SPDYC: variants seen among roughly 807,000 people sequenced by gnomAD.
The protein encoded by SPDYC is speedy/RINGO cell cycle regulator family member C, also known as speedy protein C.
In SPDYC, 25 loss-of-function variants were observed where a neutral mutation model predicts 33.9. The observed-to-expected ratio is 0.74, with a 90% CI of 0.54 to 1.03. The LOEUF is 1.03. Ranked by LOEUF, SPDYC falls within the 50% of genes least tolerant of loss-of-function variation. The pLI, the probability that SPDYC is intolerant of heterozygous loss-of-function variation, is 0.00. For synonymous variants in SPDYC, 133 were observed against 140.2 expected, an observed-to-expected ratio of 0.95 and a Z score of 0.36; for missense variants, 349 against 382.9, an observed-to-expected ratio of 0.91 and a Z score of 0.74.
intron 2 of SPDYC, 21 bp from the exon 3 acceptor site, chr11:65,171,922 T>C: frequency 6.2e-7 from 1 of 1,613,414 alleles, no homozygotes; most frequent in East Asian, 2.2e-5. Flanking sequence ...CTGCGTCCTG[T>C]CATGTCTTCT....
At chr11:65,171,483 C>A in exon 2 of SPDYC, 1 of 1,578,498 alleles carries the variant, frequency 6.3e-7, no homozygotes, top group South Asian at 1.1e-5. Flanking sequence ...AGGTCCAGGC[C>A]TTCCTCAGCC....
At chr11:65,170,751 C>T (rs1425881110) in intron 1 of SPDYC, among the ~76,000 whole-genome samples, 2 of 152,040 alleles carry the variant, frequency 1.3e-5, no homozygotes, top group African/African-American at 4.8e-5. Flanking sequence ...GGTGGCATGG[C>T]GCATGCCTGT....
chr11:65,171,490 A>G lies in SPDYC; in HGVS notation c.190A>G (p.Ser64Gly), dbSNP rs774260139. ...GCACCAGGAGGTCCAGGCCTTCCTC[A>G]GCCTTCTGGGTGAGTTTGGAGGGCT... The change falls in exon 2 of 7, where the codon AGC (serine) becomes GGC (glycine). Residue 64 changes from serine (S) to glycine (G), a missense_variant. Transcript: ENST00000377185. 2 of 1,577,476 alleles carry G rather than the reference A, an allele frequency of 1.3e-6. No individual in the cohort carries two copies. Among genetic ancestry groups the G allele is most frequent in the Admixed American group, 3.9e-5 (2 of 51,652 alleles).
At chr11:65,170,908 A>T (rs1157144900) in intron 1 of SPDYC, among the ~76,000 whole-genome samples, 2 of 151,304 alleles carry the variant, frequency 1.3e-5, no homozygotes, top group African/African-American at 4.9e-5. Flanking sequence ...AAACCAAAAA[A>T]CCTCTTGGGG....
intron 3 of SPDYC, 78 bp from the exon 4 acceptor site, chr11:65,172,168 C>T: frequency 2.5e-6 from 4 of 1,574,034 alleles, no homozygotes; most frequent in Admixed American, 1.7e-5. Flanking sequence ...CAAAACCTCC[C>T]TGGGTGCAAA....
chr11:65,172,238 C>T lies in SPDYC; in HGVS notation c.259-8C>T. ...TAACTAACCCCCCACCCCGATCTGT[C>T]TCTGCAGTATCTCCTGGCCATGGTG... On this transcript the variant is annotated splice_polypyrimidine_tract_variant and splice_region_variant and intron_variant, in intron 3 of 6. Transcript: ENST00000377185. 6.2e-7 allele frequency: 1 copy of T among 1,614,166 alleles called. No homozygotes were observed.
At chr11:65,171,402 C>G in exon 2 of SPDYC, 1 of 1,609,828 alleles carries the variant, frequency 6.2e-7, no homozygotes, top group Non-Finnish European at 8.5e-7. Flanking sequence ...TAGTTACCAC[C>G]CAGGTAGAGC....
exon 4 of SPDYC, chr11:65,172,293 G>C: frequency 1.2e-6 from 2 of 1,614,154 alleles, no homozygotes; most frequent in Non-Finnish European, 1.7e-6. Context: ...CCCACCTGAA[G>C]CTCAGCGAGT....
intron 3 of SPDYC, 39 bp from the exon 4 acceptor site, chr11:65,172,207 A>C: frequency 6.2e-7 from 1 of 1,610,612 alleles, no homozygotes; most frequent in Non-Finnish European, 8.5e-7. Flanking sequence ...CCTCCTCCTC[A>C]GAGAATAACT....
exon 2 of SPDYC, chr11:65,171,436 G>C: frequency 1.9e-6 from 3 of 1,599,736 alleles, no homozygotes; most frequent in Non-Finnish European, 1.7e-6. Flanking sequence ...CCGGCAAGGT[G>C]GGGGCAATGG....
At chr11:65,173,299 C>A, downstream of SPDYC, 1 of 1,510,746 alleles carries the variant, frequency 6.6e-7, no homozygotes, top group Non-Finnish European at 9.0e-7. Context: ...CTGCCCCTTC[C>A]TCCCAGCCTG....
chr11:65,173,131 C>A, intron 6 of SPDYC, 52 bp from the exon 7 acceptor site: 2 of 1,609,548 alleles, frequency 1.2e-6, no homozygotes, highest in African/African-American at 1.3e-5. Context: ...CTGCCCCTCC[C>A]GTGTGAGCTT....
chr11:65,172,300 G>A (rs780657347), exon 4 of SPDYC: 19 of 1,614,048 alleles, frequency 1.2e-5, no homozygotes, highest in East Asian at 2.2e-5. Context: ...GAAGCTCAGC[G>A]AGTATACCCA....
At chr11:65,170,347 C>A (rs1948418147) in intron 1 of SPDYC, 86 bp downstream of exon 1, 1 of 1,344,772 alleles carries the variant, frequency 7.4e-7, no homozygotes, top group Non-Finnish European at 9.8e-7. Flanking sequence ...GTCGACCGCA[C>A]GTTCTCCTCG....
exon 5 of SPDYC, chr11:65,172,510 T>G: frequency 6.3e-7 from 1 of 1,581,686 alleles, no homozygotes; most frequent in Non-Finnish European, 8.6e-7. Flanking sequence ...GGGAAAAGAT[T>G]GGTGTTTACG....
At chr11:65,172,072 GT>G (rs1371183407) in intron 3 of SPDYC, 71 bp downstream of exon 3, 1 of 1,554,742 alleles carries the variant, frequency 6.4e-7, no homozygotes, top group Non-Finnish European at 8.9e-7. Flanking sequence ...CCCTGGTCTG[GT>G]AGGGAGAGCC....
At chr11:65,171,215 GCCC>G in intron 1 of SPDYC, 109 bp from the exon 2 acceptor site, 3 of 1,193,812 alleles carry the variant, frequency 2.5e-6, no homozygotes, top group Non-Finnish European at 3.4e-6. Flanking sequence ...TCTGTTCTGA[GCCC>G]CCAAGTCTCT....
Position 65,170,267 on chromosome 11 carries a change from G to A in SPDYC, c.26+6G>A, listed in dbSNP as rs756818358. ...TGGGCCATTCCTGAGCTCGGGTAAG[G>A]CTCGCTGCAGGAGGAGGCTGGGTTG... On this transcript the variant is annotated splice_donor_region_variant and intron_variant, in intron 1 of 6. Transcript: ENST00000377185. 4 of 1,580,166 alleles carry A rather than the reference G, an allele frequency of 2.5e-6. No homozygotes were observed. The highest frequency in any genetic ancestry group is 3.5e-5 in the Admixed American group (2 of 57,032).
chr11:65,171,335 G>C, exon 2 of SPDYC: 1 of 1,608,896 alleles, frequency 6.2e-7, no homozygotes, highest in Non-Finnish European at 8.5e-7. Context: ...AGGTCACCCT[G>C]CCCCATCTCC....
Sources: gnomAD v4.1 joint callset for allele counts (sites outside exome capture counted in the v4.1 genomes callset) on GRCh38, gnomAD v4.1.1 for gene constraint, MANE v1.5 for transcripts, NCBI Gene and HGNC (gene_info 2026-07-23, HGNC 2026-07-21) for gene names.